TPR: variants seen among roughly 807,000 people sequenced by gnomAD.
The protein encoded by TPR is translocated promoter region, nuclear basket protein, also known as nucleoprotein TPR.
A neutral mutation model predicts 316.1 loss-of-function variants in TPR; 51 were observed. The ratio of observed to expected loss-of-function variants is 0.16; its 90% confidence interval spans 0.13 to 0.20. TPR has a LOEUF of 0.20. Ranked by LOEUF, TPR falls within the 10% of genes least tolerant of loss-of-function variation. The pLI is 1.00. For synonymous variants in TPR, 981 were observed against 914.7 expected (o/e 1.07, Z -1.31); for missense variants, 2,272 against 2,754.8 (o/e 0.82, Z 3.92).
In TPR at chr1:186,346,152, C is replaced by A. The variant is rs764418401; in HGVS notation, c.3079G>T (p.Glu1027Ter). 1 of 1,612,440 alleles carries A rather than the reference C, an allele frequency of 6.2e-7. No homozygotes were observed. The highest frequency in any genetic ancestry group is 1.1e-5 in the South Asian group (1 of 90,920). Reference sequence around the variant, plus strand: ...CTATTTACCTGTTGTTCCATGCTCTCTATGGCTCTTCTTTTATCATCCTGA... The same window carrying A: ...CTATTTACCTGTTGTTCCATGCTCTATATGGCTCTTCTTTTATCATCCTGA... ...ELQDDKRRAIESMEQQLSELK... is the reference protein window; with the variant it reads ...ELQDDKRRAI Residue 1027 changes from glutamate (E) to a stop codon, truncating the protein, a stop_gained, in exon 23 of 51, where the codon GAG becomes TAG. Transcript: ENST00000367478. LOFTEE classifies it high-confidence loss of function.
At position 186,362,393 on chromosome 1, in the gene TPR, A is replaced by T; in HGVS notation, c.697-13T>A. ...CCAGTCTAGAAACCTAAAAACAAAA[A>T]ATAGAGCAGGGGGAAAGGATGTCAT... is the stretch of plus-strand genomic sequence containing the variant. On this transcript the variant is annotated splice_polypyrimidine_tract_variant and intron_variant, in intron 6 of 50. Coordinates refer to ENST00000367478, the MANE Select transcript of TPR (RefSeq NM_003292.3). The T allele has an allele frequency of 4.6e-5, 73 of 1,593,250 alleles. No individual in the cohort carries two copies. The highest frequency in any genetic ancestry group is 6.2e-5 in the Non-Finnish European group (72 of 1,161,968).
At position 186,318,517 on chromosome 1, in the gene TPR, A is replaced by G. The variant is rs759668773; in HGVS notation, c.6751T>C (p.Leu2251=). The G allele has an allele frequency of 1.2e-5, 20 of 1,614,156 alleles. No homozygotes were observed. The highest frequency in any genetic ancestry group is 1.7e-5 in the Non-Finnish European group (20 of 1,180,022). The part of the protein sequence containing the change: ...VPMVTTSTGT[L]STTNETATGD... The stretch of plus-strand genomic sequence containing the variant: ...GTTGCTGTTTCATTTGTTGTAGATA[A>G]AGTGCCAGTGGATGTAGTCACCATT... The change falls in exon 48 of 51, where the codon TTA becomes CTA. Residue 2251 remains leucine (L), a synonymous_variant. Coordinates refer to ENST00000367478, the MANE Select transcript of TPR (RefSeq NM_003292.3).
intron 46 of TPR, among the ~76,000 whole-genome samples, chr1:186,319,772 T>C (rs1365639345): frequency 1.3e-5 from 2 of 152,198 alleles, no homozygotes; most frequent in African/African-American, 4.8e-5. Context: ...TAAAAGGTAA[T>C]CAATTCCACA....
chr1:186,328,148 C>T (rs778207464), intron 39 of TPR, among the ~76,000 whole-genome samples: 2 of 152,068 alleles, frequency 1.3e-5, no homozygotes, highest in Non-Finnish European at 2.9e-5. Context: ...TTTGAGTTTC[C>T]TTAATGTCTT....
rs770501968 is a variant in TPR at position 186,344,369 on chromosome 1, T to C, written c.3417+6A>G. 2 of 1,612,282 alleles carry C rather than the reference T, an allele frequency of 1.2e-6. No individual in the cohort carries two copies. The highest frequency in any genetic ancestry group is 2.2e-5 in the East Asian group (1 of 44,852). ...CAGAACATTCTATTCAGATTTACAA[T>C]AATACCTTTAACATTCTCTCTCTTT... is the stretch of plus-strand genomic sequence containing the variant. On this transcript the variant is annotated splice_donor_region_variant and intron_variant, in intron 25 of 50. Coordinates refer to ENST00000367478, the MANE Select transcript of TPR (RefSeq NM_003292.3).
At chr1:186,361,583 A>G in intron 9 of TPR, 39 bp downstream of exon 9, 3 of 1,594,318 alleles carry the variant, frequency 1.9e-6, no homozygotes, top group Non-Finnish European at 2.6e-6. Flanking sequence ...AAAAGAGTAC[A>G]ATAACAAAAA....
At chr1:186,362,811 AG>A in intron 6 of TPR, 25 bp downstream of exon 6, 1 of 1,568,532 alleles carries the variant, frequency 6.4e-7, no homozygotes, top group African/African-American at 1.4e-5. Flanking sequence ...CTCAACATGA[AG>A]AAAAACACAA....
chr1:186,360,413 A>G (rs1052210906), intron 10 of TPR, 49 bp from the exon 11 acceptor site: 3 of 1,585,500 alleles, frequency 1.9e-6, no homozygotes, highest in Non-Finnish European at 2.6e-6. Context: ...TTCCAAACTA[A>G]AAGCCATTAA....
chr1:186,341,125 T>C lies in TPR; in HGVS notation c.3923A>G (p.Gln1308Arg). The C allele has an allele frequency of 1.2e-6, 2 of 1,614,144 alleles. No individual in the cohort carries two copies. Among genetic ancestry groups the C allele is most frequent in the Non-Finnish European group, 1.7e-6 (2 of 1,180,006 alleles). The change falls in exon 29 of 51, where the codon CAA becomes CGA. Residue 1308 changes from glutamine (Q) to arginine (R), a missense_variant. Physicochemically the swap from Gln to Arg is conservative, Grantham distance 43. Transcript: ENST00000367478. ...CTCACTCAGCTCAGCATTTGCTTCTTGTAAGGGTAAAATATCTAACTCCAG... is the reference window on the plus strand; with the variant it reads ...CTCACTCAGCTCAGCATTTGCTTCTCGTAAGGGTAAAATATCTAACTCCAG... ...RKLELDILPL[Q>R]EANAELSEKS...
rs753707360 is a variant in TPR, at chr1:186,367,873, C to T, written c.427+13G>A. On this transcript the variant is annotated intron_variant, in intron 4 of 50. Coordinates refer to ENST00000367478, the MANE Select transcript of TPR (RefSeq NM_003292.3). ...AAGGAATGGAGCTAAAAGCTACAAG[C>T]ACTTCTTCATACCTGTTAAGTATTC... 1.3e-6 allele frequency: 2 copies of T among 1,572,056 alleles called. No homozygotes were observed. The highest frequency in any genetic ancestry group is 3.4e-5 in the Admixed American group (2 of 59,528).
chr1:186,360,508 G>A, intron 10 of TPR, 144 bp from the exon 11 acceptor site: 1 of 955,188 alleles, frequency 1.0e-6, no homozygotes, highest in East Asian at 2.7e-5. Context: ...AAAAAGTCAT[G>A]TAACACATCT....
In TPR at chr1:186,313,070, G is replaced by A; in HGVS notation, c.*901C>T. 1.5e-6 allele frequency: 1 copy of A among 661,468 alleles called. No homozygotes were observed. Among genetic ancestry groups the A allele is most frequent in the Non-Finnish European group, 2.6e-6 (1 of 386,802 alleles). 41.0% of individuals were successfully genotyped at this position (661,468 alleles called of 1,614,324 possible). ...TGCTTTAATTTCAATTAAAATGATGGCACTGCAATTCAATTCTGCTCTAAC... is the reference window on the plus strand; with the variant it reads ...TGCTTTAATTTCAATTAAAATGATGACACTGCAATTCAATTCTGCTCTAAC... On this transcript the variant is annotated 3_prime_UTR_variant, in exon 51 of 51. Coordinates refer to ENST00000367478, the MANE Select transcript of TPR (RefSeq NM_003292.3).
At chr1:186,337,312 A>G (rs1318455420) in intron 31 of TPR, among the ~76,000 whole-genome samples, 156 bp from the exon 32 acceptor site, 1 of 152,182 alleles carries the variant, frequency 6.6e-6, no homozygotes. Context: ...GTAATCTCCA[A>G]AAATGGGGAA....
chr1:186,375,118 C>A lies in TPR; in HGVS notation c.-90G>T, dbSNP rs1440177630. The A allele has an allele frequency of 6.4e-7, 1 of 1,567,116 alleles. No individual in the cohort carries two copies. The highest frequency in any genetic ancestry group is 1.4e-5 in the African/African-American group (1 of 73,454). ...GACCAGCAGGACCCAGACGCCTGGG[C>A]CGCCGCCTCTATCACCTCGCTCGGT... On this transcript the variant is annotated 5_prime_UTR_variant, in exon 1 of 51. Transcript: ENST00000367478.
At chr1:186,359,173 T>G (rs756835042) in intron 12 of TPR, among the ~76,000 whole-genome samples, 7 of 152,288 alleles carry the variant, frequency 4.6e-5, no homozygotes, top group Non-Finnish European at 7.4e-5. Context: ...CCATAAAACT[T>G]GTTCAAGAAA....
chr1:186,343,305 C>T (rs1210902845), intron 27 of TPR, 21 bp downstream of exon 27: 2 of 1,599,366 alleles, frequency 1.3e-6, no homozygotes, highest in Non-Finnish European at 1.7e-6. Context: ...CAAGTGCTTT[C>T]TTAAAGCTTA....
intron 12 of TPR, 83 bp downstream of exon 12, chr1:186,359,716 A>G (rs1659125656): frequency 7.2e-7 from 1 of 1,390,782 alleles, no homozygotes; most frequent in Non-Finnish European, 9.7e-7. Flanking sequence ...TTCTGACTCA[A>G]TCACCTTAAG....
chr1:186,349,673 A>T (rs3124811), intron 21 of TPR, among the ~76,000 whole-genome samples: 105,954 of 139,846 alleles, frequency 0.76, 40,348 homozygotes, highest in East Asian at 0.87. Flanking sequence ...AAAAAAAAAA[A>T]AAATAAATAA....
intron 46 of TPR, among the ~76,000 whole-genome samples, chr1:186,319,307 C>G (rs1657704702): frequency 6.6e-6 from 1 of 152,164 alleles, no homozygotes; most frequent in South Asian, 2.1e-4. Flanking sequence ...TTAAATACAA[C>G]TTAAAGACAT....
Sources: gnomAD v4.1 joint callset for allele counts (sites outside exome capture counted in the v4.1 genomes callset) on GRCh38, gnomAD v4.1.1 for gene constraint, MANE v1.5 for transcripts, NCBI Gene and HGNC (gene_info 2026-07-23, HGNC 2026-07-21) for gene names.